PDGFD: variants seen among roughly 807,000 people sequenced by gnomAD.
PDGFD encodes the protein platelet derived growth factor D, also known as platelet-derived growth factor D.
PDGFD carries 30 observed loss-of-function variants against 44.7 expected under a neutral mutation model. The observed-to-expected ratio is 0.67, with a 90% confidence interval of 0.50 to 0.91. PDGFD has a LOEUF of 0.91. Among genes scored for constraint, PDGFD ranks in the 40% least tolerant of loss-of-function variants. The pLI is 0.00. For synonymous variants in PDGFD, 173 were observed against 168.4 expected (o/e 1.03, Z -0.21); for missense variants, 445 against 457.8 (o/e 0.97, Z 0.25).
At chr11:104,005,557 A>C (rs1405527202) in intron 1 of PDGFD, among the ~76,000 whole-genome samples, 1 of 152,246 alleles carries the variant, frequency 6.6e-6, no homozygotes, top group Non-Finnish European at 1.5e-5. Context: ...TCACATTCCT[A>C]AACAAAGGTA....
intron 1 of PDGFD, among the ~76,000 whole-genome samples, chr11:104,134,700 A>G (rs1320978250): frequency 1.3e-5 from 2 of 152,210 alleles, no homozygotes; most frequent in Non-Finnish European, 2.9e-5. Context: ...AAGAACACGA[A>G]GATGTCTCCT....
At chr11:104,115,317 C>T (rs1189127827) in intron 1 of PDGFD, among the ~76,000 whole-genome samples, 2 of 148,286 alleles carry the variant, frequency 1.3e-5, no homozygotes, top group Non-Finnish European at 3.0e-5. Flanking sequence ...TGGAATACTA[C>T]TATATATAGT....
At chr11:104,031,061 T>G (rs555437654) in intron 1 of PDGFD, among the ~76,000 whole-genome samples, 1 of 152,300 alleles carries the variant, frequency 6.6e-6, no homozygotes, top group African/African-American at 2.4e-5. Flanking sequence ...TAGGCAATAC[T>G]ATTTGGGACA....
intron 1 of PDGFD, among the ~76,000 whole-genome samples, chr11:104,031,358 G>A (rs1860122014): frequency 1.3e-5 from 2 of 152,130 alleles, no homozygotes; most frequent in African/African-American, 4.8e-5. Context: ...CTCAAAAGAA[G>A]ATATGCATGC....
chr11:103,918,634 C>T (rs977419607), intron 6 of PDGFD, among the ~76,000 whole-genome samples: 5 of 152,026 alleles, frequency 3.3e-5, no homozygotes, highest in Non-Finnish European at 4.4e-5. Context: ...AACGTGAGCA[C>T]GGTATATATG....
intron 3 of PDGFD, among the ~76,000 whole-genome samples, chr11:103,950,777 A>T (rs1858744275): frequency 6.6e-6 from 1 of 152,120 alleles, no homozygotes; most frequent in Non-Finnish European, 1.5e-5. Context: ...ACAGTTTCCA[A>T]AAGGGGAATC....
chr11:104,006,673 C>T (rs1025885730), intron 1 of PDGFD, among the ~76,000 whole-genome samples: 5 of 152,120 alleles, frequency 3.3e-5, no homozygotes, highest in African/African-American at 7.2e-5. Context: ...GAAGAATGGA[C>T]GAACAGCGTG....
chr11:104,122,180 C>G (rs1555055893), intron 1 of PDGFD, among the ~76,000 whole-genome samples: 1 of 151,834 alleles, frequency 6.6e-6, no homozygotes. Flanking sequence ...GAAGCTTGCA[C>G]AGGGGAATGC....
intron 1 of PDGFD, among the ~76,000 whole-genome samples, chr11:104,021,778 C>T (rs1341000075): frequency 6.6e-6 from 1 of 152,142 alleles, no homozygotes; most frequent in African/African-American, 2.4e-5. Flanking sequence ...ATGCTGATAG[C>T]TAACCAATTC....
At chr11:104,154,660 C>A (rs1006344583) in intron 1 of PDGFD, among the ~76,000 whole-genome samples, 1 of 151,632 alleles carries the variant, frequency 6.6e-6, no homozygotes, top group Admixed American at 6.6e-5. Flanking sequence ...ATGGAGCCAA[C>A]AAGAAGGAAA....
intron 5 of PDGFD, 116 bp from the exon 6 acceptor site, chr11:103,927,242 TA>T: frequency 3.4e-6 from 3 of 892,162 alleles, no homozygotes; most frequent in Non-Finnish European, 5.2e-6. Context: ...ATCCTGGGAT[TA>T]AATCCATCCT....
intron 1 of PDGFD, among the ~76,000 whole-genome samples, chr11:104,041,682 T>C (rs895510732): frequency 6.6e-6 from 1 of 152,210 alleles, no homozygotes; most frequent in Non-Finnish European, 1.5e-5. Flanking sequence ...ATTTCAAGAT[T>C]ACCAGCAACA....
Position 103,999,209 on chromosome 11 carries a change from G to A in PDGFD, c.329+842C>T, listed in dbSNP as rs1591114367. 3.9e-5 allele frequency among the ~76,000 whole-genome samples: 6 copies of A among 152,078 alleles called. No individual in the cohort carries two copies. In the South Asian group the frequency reaches 1.2e-3, roughly 32 times the overall value. On this transcript the variant is annotated intron_variant, in intron 2 of 6. Transcript: ENST00000393158. ...GCAACAGAGGACAACCAAATTTGAG[G>A]CCCCTCTTTTTATTATTCAAAGGAA...
At chr11:103,928,172 A>G (rs1409836785) in intron 5 of PDGFD, among the ~76,000 whole-genome samples, 1 of 152,220 alleles carries the variant, frequency 6.6e-6, no homozygotes, top group East Asian at 1.9e-4. Context: ...ATTAGATTTG[A>G]TTTCGTGTTC....
chr11:104,058,240 A>G lies in PDGFD; in HGVS notation c.125-57985T>C, dbSNP rs79523708. On this transcript the variant is annotated intron_variant, in intron 1 of 6. Coordinates refer to ENST00000393158, the MANE Select transcript of PDGFD (RefSeq NM_025208.5). ...CCTCTGAGTGGGAGAAATTATTTGC[A>G]AAACACGTACATGATAAATGTCGAA... 2.3e-3 allele frequency among the ~76,000 whole-genome samples: 358 copies of G among 152,346 alleles called. 1 individual carries two copies. Among genetic ancestry groups the G allele is most frequent in the Non-Finnish European group, 4.1e-3 (276 of 68,030 alleles).
chr11:103,979,902 C>T (rs1302300062), intron 3 of PDGFD, among the ~76,000 whole-genome samples: 1 of 152,080 alleles, frequency 6.6e-6, no homozygotes, highest in Non-Finnish European at 1.5e-5. Context: ...TTTATTCTAA[C>T]TAATTGTAAC....
At chr11:104,152,998 T>C (rs2119911068) in intron 1 of PDGFD, among the ~76,000 whole-genome samples, 1 of 152,296 alleles carries the variant, frequency 6.6e-6, no homozygotes, top group South Asian at 2.1e-4. Context: ...TTCAGGCAAA[T>C]ATGTTTCTAT....
At chr11:103,967,377 A>G (rs1859036474) in intron 3 of PDGFD, among the ~76,000 whole-genome samples, 1 of 152,130 alleles carries the variant, frequency 6.6e-6, no homozygotes, top group Non-Finnish European at 1.5e-5. Flanking sequence ...TTTGAACTCA[A>G]ATAACCCTTC....
At chr11:104,022,906 A>G (rs1859984938) in intron 1 of PDGFD, among the ~76,000 whole-genome samples, 1 of 152,132 alleles carries the variant, frequency 6.6e-6, no homozygotes. Flanking sequence ...ACTATAAAAA[A>G]TATAAAATTT....
Sources: gnomAD v4.1 joint callset for allele counts (sites outside exome capture counted in the v4.1 genomes callset) on GRCh38, gnomAD v4.1.1 for gene constraint, MANE v1.5 for transcripts, NCBI Gene and HGNC (gene_info 2026-07-23, HGNC 2026-07-21) for gene names.